Variants in ZBTB46 observed in about 807,000 individuals in gnomAD.
ZBTB46 encodes zinc finger and BTB domain containing 46.
ZBTB46 carries 8 observed loss-of-function variants against 44.1 expected under a neutral mutation model. The ratio of observed to expected loss-of-function variants is 0.18; its 90% CI spans 0.11 to 0.33. The LOEUF (loss-of-function observed/expected upper bound fraction) is 0.33, where lower values mean the gene tolerates loss of function less well. Among genes scored for constraint, ZBTB46 ranks in the 10% least tolerant of loss-of-function variants. ZBTB46 has a pLI of 1.00. For synonymous variants in ZBTB46, 409 were observed against 382.3 expected (o/e 1.07, Z -0.81); for missense variants, 651 against 847.7 (o/e 0.77, Z 2.88).
intron 1 of ZBTB46, among the ~76,000 whole-genome samples, chr20:63,814,016 C>T (rs549082011): frequency 2.0e-5 from 3 of 152,116 alleles, no homozygotes; most frequent in Admixed American, 2.0e-4. Flanking sequence ...GGGTGGATCA[C>T]AAGGTCAGGA....
At chr20:63,794,753 G>A (rs993773187) in intron 1 of ZBTB46, among the ~76,000 whole-genome samples, 10 of 152,152 alleles carry the variant, frequency 6.6e-5, no homozygotes, top group Admixed American at 5.2e-4. Context: ...CTCACAACCC[G>A]TATTCTGTGT....
intron 1 of ZBTB46, among the ~76,000 whole-genome samples, chr20:63,821,326 A>AT (rs1168686929): frequency 6.8e-6 from 1 of 147,290 alleles, no homozygotes; most frequent in Non-Finnish European, 1.5e-5. Context: ...TACTATTATT[A>AT]TTTTTTATTT....
intron 1 of ZBTB46, among the ~76,000 whole-genome samples, chr20:63,827,631 A>C (rs1222712437): frequency 3.3e-5 from 5 of 151,800 alleles, no homozygotes; most frequent in Admixed American, 6.6e-5. Context: ...AAAAAAACAA[A>C]AAAAAAAAAC....
At chr20:63,768,759 G>A (rs1356982400) in intron 3 of ZBTB46, among the ~76,000 whole-genome samples, 5 of 152,142 alleles carry the variant, frequency 3.3e-5, no homozygotes, top group Admixed American at 2.0e-4. Context: ...TGCGCGGCTC[G>A]GGCTGGGGCA....
At chr20:63,809,952 G>A in intron 1 of ZBTB46, among the ~76,000 whole-genome samples, 1 of 146,540 alleles carries the variant, frequency 6.8e-6, no homozygotes, top group Non-Finnish European at 1.5e-5. Context: ...ACACAGCAAG[G>A]CCCTCTCTCA....
rs148101888 is a variant in ZBTB46 at position 63,786,086 on chromosome 20, C to T, written c.937+3735G>A. On this transcript the variant is annotated intron_variant, in intron 2 of 4. Transcript: ENST00000245663. ...CACGCACAGGGAGGTGGCCTGGGAC[C>T]ACTGGGAGGGGCCTCGCTGTGCTGA... is the stretch of plus-strand genomic sequence containing the variant. 2.6e-3 allele frequency among the ~76,000 whole-genome samples: 398 copies of T among 152,336 alleles called. 2 individuals are homozygous for T. The highest frequency in any genetic ancestry group is 8.5e-3 in the African/African-American group (353 of 41,584).
chr20:63,761,848 G>A (rs534322500), intron 3 of ZBTB46, among the ~76,000 whole-genome samples: 7 of 151,590 alleles, frequency 4.6e-5, no homozygotes, highest in African/African-American at 1.5e-4. Flanking sequence ...TTGTGTAAAC[G>A]TATACTATTT....
chr20:63,749,430 G>A (rs1231805707), intron 4 of ZBTB46, among the ~76,000 whole-genome samples: 2 of 152,074 alleles, frequency 1.3e-5, no homozygotes, highest in Non-Finnish European at 2.9e-5. Flanking sequence ...TCCGCCTCCC[G>A]GGTTCATACC....
At chr20:63,817,967 C>T (rs6062541) in intron 1 of ZBTB46, among the ~76,000 whole-genome samples, 34,943 of 152,030 alleles carry the variant, frequency 0.23, 4,139 homozygotes, top group Middle Eastern at 0.33. Flanking sequence ...AAGGCTCTAC[C>T]GTTTTCAGCC....
chr20:63,819,977 C>T (rs1236015676), intron 1 of ZBTB46, among the ~76,000 whole-genome samples: 1 of 152,182 alleles, frequency 6.6e-6, no homozygotes, highest in Non-Finnish European at 1.5e-5. Flanking sequence ...CATATATCAC[C>T]GTAGGCAGCG....
At chr20:63,770,165 G>A (rs1023447287) in intron 3 of ZBTB46, among the ~76,000 whole-genome samples, 6 of 152,196 alleles carry the variant, frequency 3.9e-5, no homozygotes, top group Admixed American at 2.0e-4. Flanking sequence ...CCGGCCGACC[G>A]GCCGGCGGCG....
rs1302606043 is a variant in ZBTB46, at chr20:63,745,354, C to T, written c.*1576G>A. On this transcript the variant is annotated 3_prime_UTR_variant, in exon 5 of 5. Transcript: ENST00000245663. The stretch of plus-strand genomic sequence containing the variant: ...GGGGGCCAATGTCAAAAAACAAAAG[C>T]CGTGACTCCTGCGCTGTACCTGGAG... The T allele has an allele frequency of 2.0e-5, 3 of 152,302 alleles. No individual in the cohort carries two copies. The highest frequency in any genetic ancestry group is 4.4e-5 in the Non-Finnish European group (3 of 68,068). 9.4% of individuals were successfully genotyped at this position (152,302 alleles called of 1,614,324 possible).
intron 1 of ZBTB46, among the ~76,000 whole-genome samples, chr20:63,798,673 T>TAAAAAAAAAA (rs1568882836): frequency 3.0e-3 from 6 of 2,020 alleles, no homozygotes; most frequent in Non-Finnish European, 5.7e-3. Context: ...AGACTCTGTC[T>TAAAAAAAAAA]CAAAAAAAAA....
intron 3 of ZBTB46, among the ~76,000 whole-genome samples, chr20:63,754,007 C>T (rs2092195941): frequency 6.6e-6 from 1 of 152,338 alleles, no homozygotes; most frequent in African/African-American, 2.4e-5. Flanking sequence ...AGTGGACAGG[C>T]ACACCCCCAT....
At chr20:63,780,504 A>C (rs956736985) in intron 2 of ZBTB46, among the ~76,000 whole-genome samples, 2 of 151,948 alleles carry the variant, frequency 1.3e-5, no homozygotes, top group Non-Finnish European at 2.9e-5. Flanking sequence ...GAAAAACCAT[A>C]GGAGAAAGTC....
At chr20:63,749,032 C>T (rs985490270) in intron 4 of ZBTB46, among the ~76,000 whole-genome samples, 3 of 152,242 alleles carry the variant, frequency 2.0e-5, no homozygotes, top group Admixed American at 6.5e-5. Flanking sequence ...CAGCACGGCC[C>T]GACCTCCCCT....
chr20:63,750,585 A>G lies in ZBTB46; in HGVS notation c.1398+2101T>C, dbSNP rs941449283. ...TTTCCAGGGAATTATGACCCCCTGA[A>G]GCCCAATCATGAACCCCAGGACAAA... On this transcript the variant is annotated intron_variant, in intron 4 of 4. Coordinates refer to ENST00000245663, the MANE Select transcript of ZBTB46 (RefSeq NM_001369741.1). Among the ~76,000 whole-genome samples, 5 of 152,058 alleles carry G rather than the reference A, an allele frequency of 3.3e-5. No individual in the cohort carries two copies. In the South Asian group the frequency reaches 1.0e-3, roughly 31 times the overall value.
chr20:63,778,691 C>T (rs2092444388), intron 2 of ZBTB46, among the ~76,000 whole-genome samples: 1 of 152,172 alleles, frequency 6.6e-6, no homozygotes, highest in African/African-American at 2.4e-5. Flanking sequence ...CTGGAGGCCT[C>T]TAAGGGATAT....
intron 3 of ZBTB46, chr20:63,769,457 A>G (rs1279824151): frequency 1.0e-6 from 1 of 984,328 alleles, no homozygotes; most frequent in Non-Finnish European, 1.2e-6. Context: ...GAGTTCCAGA[A>G]GCACTGACGA....
Sources: allele counts gnomAD v4.1 joint callset (sites outside exome capture counted in the v4.1 genomes callset), GRCh38; gene constraint gnomAD v4.1.1; transcripts MANE v1.5; gene names NCBI Gene and HGNC (gene_info 2026-07-23, HGNC 2026-07-21).